TRPA1: variants seen among roughly 807,000 people sequenced by gnomAD.
TRPA1 encodes ankyrin-like with transmembrane domains 1.
A neutral mutation model predicts 131.3 loss-of-function variants in TRPA1; 129 were observed. The observed-to-expected ratio is 0.98, with a 90% confidence interval of 0.85 to 1.14. The LOEUF (loss-of-function observed/expected upper bound fraction) is 1.14. Ranked by LOEUF, TRPA1 falls within the 50% of genes most tolerant of loss-of-function variation. TRPA1 has a pLI of 0.00. For synonymous variants in TRPA1, 441 were observed against 451.7 expected, an observed-to-expected ratio of 0.98 and a Z score of 0.30; for missense variants, 1,304 against 1,354.2, an observed-to-expected ratio of 0.96 and a Z score of 0.58.
intron 7 of TRPA1, among the ~76,000 whole-genome samples, chr8:72,061,190 C>A (rs1585881851): frequency 6.6e-6 from 1 of 152,160 alleles, no homozygotes; most frequent in South Asian, 2.1e-4. Flanking sequence ...CTTTTGAAAC[C>A]ATTTATCTAT....
chr8:72,038,269 G>T (rs1011342569), intron 19 of TRPA1, among the ~76,000 whole-genome samples, 197 bp from the exon 20 acceptor site: 13 of 150,946 alleles, frequency 8.6e-5, no homozygotes, highest in Non-Finnish European at 1.8e-4. Context: ...CCCTCATTTA[G>T]GAATGTCCTT....
chr8:72,061,959 T>C (rs1805820496), intron 6 of TRPA1, among the ~76,000 whole-genome samples, 198 bp from the exon 7 acceptor site: 1 of 152,172 alleles, frequency 6.6e-6, no homozygotes, highest in South Asian at 2.1e-4. Flanking sequence ...ACAAACAAAT[T>C]GTAGCTGACA....
intron 17 of TRPA1, among the ~76,000 whole-genome samples, chr8:72,042,490 T>C (rs56152403): frequency 0.24 from 35,934 of 151,604 alleles, 4,396 homozygotes; most frequent in East Asian, 0.34. Flanking sequence ...ACAGTCATTA[T>C]GGAAAACAGT....
At chr8:72,062,773 G>A in intron 6 of TRPA1, 26 bp downstream of exon 6, 1 of 1,609,528 alleles carries the variant, frequency 6.2e-7, no homozygotes, top group Non-Finnish European at 8.5e-7. Context: ...TAAGATAAAA[G>A]TGTTATATAG....
intron 10 of TRPA1, among the ~76,000 whole-genome samples, chr8:72,056,668 G>T (rs1805674362): frequency 6.6e-6 from 1 of 152,022 alleles, no homozygotes; most frequent in African/African-American, 2.4e-5. Context: ...TATCATAGAT[G>T]ACTGCATATT....
chr8:72,076,898 T>C (rs964501032), upstream of TRPA1, among the ~76,000 whole-genome samples: 7 of 152,122 alleles, frequency 4.6e-5, no homozygotes, highest in African/African-American at 7.2e-5. Flanking sequence ...GTGTTCAGGG[T>C]ATGCAAGATA....
At chr8:72,050,939 TC>T in intron 14 of TRPA1, 68 bp from the exon 15 acceptor site, 1 of 1,138,298 alleles carries the variant, frequency 8.8e-7, no homozygotes, top group Non-Finnish European at 1.3e-6. Context: ...CAGCTGAAAC[TC>T]AAGATTATTT....
intron 8 of TRPA1, 101 bp from the exon 9 acceptor site, chr8:72,057,917 A>G (rs563008452): frequency 1.7e-5 from 15 of 885,628 alleles, no homozygotes; most frequent in Non-Finnish European, 2.6e-5. Flanking sequence ...CAGAGTGTCT[A>G]TATTATGGCT....
rs779019201 is a variant in TRPA1, at chr8:72,053,769, C to T, written c.1628G>A (p.Arg543His). Residue 543 changes from arginine (R) to histidine (H), a missense_variant, in exon 13 of 27, where the codon CGC becomes CAC. By Grantham distance (29) the Arg-to-His change is conservative. Transcript: ENST00000262209. Reference sequence around the variant, plus strand: ...AGTACATACCCCGTCTTCATCCAGGCGATCTGTGCACTTCAAATTAGTATC... The same window carrying T: ...AGTACATACCCCGTCTTCATCCAGGTGATCTGTGCACTTCAAATTAGTATC... Reference protein sequence around the residue: ...ILDTNLKCTDRLDEDGNTALH... With the variant: ...ILDTNLKCTDHLDEDGNTALH... 18 of 1,612,128 alleles carry T rather than the reference C, an allele frequency of 1.1e-5. No individual in the cohort carries two copies. Among genetic ancestry groups the T allele is most frequent in the African/African-American group, 1.1e-4 (8 of 74,962 alleles).
intron 21 of TRPA1, among the ~76,000 whole-genome samples, chr8:72,035,755 A>G (rs1812013945): frequency 6.6e-6 from 1 of 152,138 alleles, no homozygotes; most frequent in Non-Finnish European, 1.5e-5. Flanking sequence ...AATGCTTACA[A>G]AATAATATCA....
intron 1 of TRPA1, among the ~76,000 whole-genome samples, chr8:72,074,226 C>T (rs1453448192): frequency 1.3e-5 from 2 of 152,164 alleles, no homozygotes; most frequent in African/African-American, 4.8e-5. Flanking sequence ...CTTAAGTGTC[C>T]ATCAGTGCAA....
intron 1 of TRPA1, 134 bp downstream of exon 1, chr8:72,075,165 C>T: frequency 1.4e-6 from 1 of 735,558 alleles, no homozygotes. Flanking sequence ...AGGGTCACCT[C>T]TTGGATTGTG....
chr8:72,055,705 G>A lies in TRPA1; in HGVS notation c.1345C>T (p.Pro449Ser), dbSNP rs1048957346. Reference protein sequence around the residue: ...IHSKSKDKKSPLHFAASYGRI... With the variant: ...IHSKSKDKKSSLHFAASYGRI... ...CCTTACCTGGCTGCAAAATGCAGAG[G>A]TGATTTCTTATCTTTGCTTTTGGAA... Residue 449 changes from proline to serine, a missense_variant, in exon 11 of 27, where the codon CCT (proline) becomes TCT (serine). Pro to Ser is a moderately conservative substitution (Grantham distance 74). Coordinates refer to ENST00000262209, the MANE Select transcript of TRPA1 (RefSeq NM_007332.3). 2 of 1,613,594 alleles carry A rather than the reference G, an allele frequency of 1.2e-6. No individual in the cohort carries two copies. Among genetic ancestry groups the A allele is most frequent in the South Asian group, 1.1e-5 (1 of 91,064 alleles).
At position 72,063,498 on chromosome 8, in the gene TRPA1, C is replaced by T. The variant is rs1221441112; in HGVS notation, c.626G>A (p.Gly209Asp). 2 of 1,613,804 alleles carry T rather than the reference C, an allele frequency of 1.2e-6. No homozygotes were observed. The highest frequency in any genetic ancestry group is 1.1e-5 in the South Asian group (1 of 91,076). The change falls in exon 5 of 27, where the codon GGT becomes GAT. Residue 209 changes from glycine (G) to aspartate (D), a missense_variant. Coordinates refer to ENST00000262209, the MANE Select transcript of TRPA1 (RefSeq NM_007332.3). Reference protein sequence around the residue: ...CFPIHQAAFSGSKECMEIILR... With the variant: ...CFPIHQAAFSDSKECMEIILR... ...TATTATTTCCATGCATTCTTTGGAA[C>T]CTGAAAATGCAGCTTGGTGAATAGG...
In TRPA1 at chr8:72,036,405, G is replaced by A. The variant is rs538354055; in HGVS notation, c.2438C>T (p.Thr813Met). 2.1e-5 allele frequency: 34 copies of A among 1,614,106 alleles called. No homozygotes were observed. Among genetic ancestry groups the A allele is most frequent in the South Asian group, 4.4e-5 (4 of 91,078 alleles). ...GGGCAGCACAAAAATGATGCCCGTC[G>A]TGTAGATAATCCATTCAAGAACATT... is the stretch of plus-strand genomic sequence containing the variant. Reference protein sequence around the residue: ...ISNVLEWIIYTTGIIFVLPLF... With the variant: ...ISNVLEWIIYMTGIIFVLPLF... Residue 813 changes from threonine (T) to methionine (M), a missense_variant, in exon 21 of 27, where the codon ACG becomes ATG. Coordinates refer to ENST00000262209, the MANE Select transcript of TRPA1 (RefSeq NM_007332.3).
chr8:72,037,703 A>G (rs1812104007), intron 20 of TRPA1, among the ~76,000 whole-genome samples: 1 of 152,110 alleles, frequency 6.6e-6, no homozygotes. Flanking sequence ...ATGTAAGAGA[A>G]AAGAAAGTTC....
Position 72,056,914 on chromosome 8 carries a change from T to C in TRPA1, c.1194+3A>G, listed in dbSNP as rs1194091976. The C allele has an allele frequency of 1.3e-6, 2 of 1,594,320 alleles. No homozygotes were observed. The highest frequency in any genetic ancestry group is 2.2e-5 in the East Asian group (1 of 44,482). On this transcript the variant is annotated splice_donor_region_variant and intron_variant, in intron 10 of 26. Coordinates refer to ENST00000262209, the MANE Select transcript of TRPA1 (RefSeq NM_007332.3). ...TTAATGGCAATCCACAGATATACAT[T>C]ACCTGCATAAATTCAGGTCGCAGAT... is the stretch of plus-strand genomic sequence containing the variant.
intron 24 of TRPA1, among the ~76,000 whole-genome samples, chr8:72,027,021 A>G (rs890171190): frequency 2.0e-5 from 3 of 152,024 alleles, no homozygotes; most frequent in Non-Finnish European, 4.4e-5. Flanking sequence ...GCTTCAAGAA[A>G]AGCTATGTTT....
the TRPA1 span, among the ~76,000 whole-genome samples, chr8:72,083,002 C>T: frequency 6.6e-6 from 1 of 151,814 alleles, no homozygotes; most frequent in Non-Finnish European, 1.5e-5. Flanking sequence ...TTTATCTCTG[C>T]TTTAGATTAA....
Sources: allele counts gnomAD v4.1 joint callset (sites outside exome capture counted in the v4.1 genomes callset), GRCh38; gene constraint gnomAD v4.1.1; transcripts MANE v1.5; gene names NCBI Gene and HGNC (gene_info 2026-07-23, HGNC 2026-07-21).